Variants in PRKG1 observed in about 807,000 individuals in gnomAD.
PRKG1 encodes protein kinase cGMP-dependent 1.
In PRKG1, 35 loss-of-function variants were observed where a neutral mutation model predicts 88.1. The observed-to-expected ratio is 0.40, with a 90% CI of 0.30 to 0.53. PRKG1 has a LOEUF of 0.53. Among genes scored for constraint, PRKG1 ranks in the 20% least tolerant of loss-of-function variants. PRKG1 has a pLI of 0.59. For synonymous variants in PRKG1, 303 were observed against 292.5 expected, an observed-to-expected ratio of 1.04 and a Z score of -0.37; for missense variants, 540 against 839.8, an observed-to-expected ratio of 0.64 and a Z score of 4.41.
At chr10:52,170,227 C>A in intron 9 of PRKG1, among the ~76,000 whole-genome samples, 1 of 152,132 alleles carries the variant, frequency 6.6e-6, no homozygotes, top group East Asian at 1.9e-4. Context: ...AAAGAAGGCC[C>A]AAATTTGCCA....
At chr10:51,891,797 A>C (rs1841729069) in intron 4 of PRKG1, among the ~76,000 whole-genome samples, 1 of 152,222 alleles carries the variant, frequency 6.6e-6, no homozygotes, top group Admixed American at 6.5e-5. Flanking sequence ...TTTCAATAAA[A>C]TTTGATTTAC....
chr10:51,956,058 A>C (rs1173254436), intron 5 of PRKG1, among the ~76,000 whole-genome samples: 2 of 152,130 alleles, frequency 1.3e-5, no homozygotes, highest in East Asian at 3.8e-4. Flanking sequence ...CTGATCTCTA[A>C]TTAGAAACAT....
At chr10:52,204,380 C>T (rs1184697764) in intron 9 of PRKG1, among the ~76,000 whole-genome samples, 2 of 152,052 alleles carry the variant, frequency 1.3e-5, no homozygotes, top group Admixed American at 1.3e-4. Flanking sequence ...GCCACTGCAC[C>T]CAACTGTTAG....
chr10:51,850,194 G>T (rs956465538), intron 4 of PRKG1, among the ~76,000 whole-genome samples: 2 of 151,982 alleles, frequency 1.3e-5, no homozygotes, highest in Non-Finnish European at 2.9e-5. Flanking sequence ...ATATTTTTTT[G>T]AGATGAAGTT....
At chr10:51,148,972 C>T (rs1284664679) in intron 1 of PRKG1, among the ~76,000 whole-genome samples, 1 of 151,984 alleles carries the variant, frequency 6.6e-6, no homozygotes, top group Non-Finnish European at 1.5e-5. Context: ...CCTATGAAAC[C>T]CATCCCCTGC....
Position 51,450,342 on chromosome 10 carries a change from TG to T in PRKG1, c.479-17380del, listed in dbSNP as rs766462246. 4.9e-4 allele frequency among the ~76,000 whole-genome samples: 74 copies of T among 152,134 alleles called. 5 individuals are homozygous for T. Among genetic ancestry groups the T allele is most frequent in the Admixed American group, 3.3e-4 (5 of 15,258 alleles). ...TCATTTTTCTAAGCAGTGTATATAA[TG>T]TTTTCATCTTTTATAATTGGATTTG... is the stretch of plus-strand genomic sequence containing the variant. On this transcript the variant is annotated intron_variant, in intron 2 of 17. Coordinates refer to ENST00000373980, the MANE Select transcript of PRKG1 (RefSeq NM_006258.4).
chr10:51,523,248 G>A (rs573122003), intron 3 of PRKG1, among the ~76,000 whole-genome samples: 1 of 152,244 alleles, frequency 6.6e-6, no homozygotes, highest in East Asian at 1.9e-4. Context: ...TGCTTGGGGA[G>A]CATCTCTACT....
intron 2 of PRKG1, among the ~76,000 whole-genome samples, chr10:51,389,906 CTT>C (rs1219141866): frequency 1.3e-5 from 2 of 152,132 alleles, no homozygotes; most frequent in African/African-American, 4.8e-5. Flanking sequence ...TGCTTTGACT[CTT>C]TCAAATTCTT....
intron 2 of PRKG1, among the ~76,000 whole-genome samples, chr10:51,160,645 C>A (rs1253342739): frequency 6.6e-6 from 1 of 152,066 alleles, no homozygotes; most frequent in South Asian, 2.1e-4. Context: ...GAAATGGTAC[C>A]TCGTGATCTT....
chr10:51,564,520 T>C (rs551324110), intron 3 of PRKG1, among the ~76,000 whole-genome samples: 1 of 151,966 alleles, frequency 6.6e-6, no homozygotes, highest in East Asian at 1.9e-4. Context: ...AGGAAGCGTG[T>C]GTAAAGGCCC....
chr10:51,678,716 A>G (rs1292381056), intron 3 of PRKG1, among the ~76,000 whole-genome samples: 1 of 152,224 alleles, frequency 6.6e-6, no homozygotes, highest in Non-Finnish European at 1.5e-5. Context: ...AGTGTGTGCC[A>G]TAGTTAAATG....
intron 3 of PRKG1, among the ~76,000 whole-genome samples, chr10:51,803,258 A>T (rs1019744148): frequency 6.6e-6 from 1 of 152,126 alleles, no homozygotes; most frequent in Non-Finnish European, 1.5e-5. Flanking sequence ...AACATTTAGA[A>T]TGGAGCCAGG....
At chr10:52,046,973 A>T (rs1845876662) in intron 5 of PRKG1, 1 of 152,096 alleles carries the variant, frequency 6.6e-6, no homozygotes, top group Admixed American at 6.6e-5. Flanking sequence ...GTTGGATGTA[A>T]ATAAATAGAG....
At chr10:51,836,786 C>T (rs1290436639) in intron 4 of PRKG1, among the ~76,000 whole-genome samples, 1 of 152,112 alleles carries the variant, frequency 6.6e-6, no homozygotes, top group Non-Finnish European at 1.5e-5. Flanking sequence ...AAACATAAGT[C>T]TTTAACTCAA....
intron 3 of PRKG1, among the ~76,000 whole-genome samples, chr10:51,667,507 G>A (rs1840450536): frequency 6.6e-6 from 1 of 152,026 alleles, no homozygotes; most frequent in South Asian, 2.1e-4. Context: ...TTAGATATAG[G>A]GAACACTCTT....
chr10:51,026,361 A>G lies in PRKG1; in HGVS notation c.266+34717A>G, dbSNP rs566237005. On this transcript the variant is annotated intron_variant, in intron 1 of 17. Transcript: ENST00000401604. ...GGAGAAATGGAACAGAGACTGCCAG[A>G]TAAATTCTTTTTCAGTCTCTCCAAA... Among the ~76,000 whole-genome samples the G allele has an allele frequency of 5.3e-5, 8 of 152,308 alleles. No homozygotes were observed. The South Asian group carries it at 1.7e-3, about 32-fold the overall frequency.
chr10:52,206,343 G>C (rs559780080), intron 9 of PRKG1, among the ~76,000 whole-genome samples: 1 of 152,180 alleles, frequency 6.6e-6, no homozygotes, highest in African/African-American at 2.4e-5. Flanking sequence ...CCTTGGATTG[G>C]GTTTTGTCTT....
At chr10:51,114,780 T>C (rs1845070032) in intron 1 of PRKG1, among the ~76,000 whole-genome samples, 1 of 152,116 alleles carries the variant, frequency 6.6e-6, no homozygotes, top group African/African-American at 2.4e-5. Flanking sequence ...TTAGATAAGG[T>C]GCATGCTAAA....
chr10:52,131,732 A>G (rs1222249993), intron 7 of PRKG1, among the ~76,000 whole-genome samples: 2 of 143,444 alleles, frequency 1.4e-5, no homozygotes, highest in Non-Finnish European at 3.0e-5. Context: ...CTGTAATCCT[A>G]GCTACTTTGA....
Sources: allele counts gnomAD v4.1 joint callset (sites outside exome capture counted in the v4.1 genomes callset), GRCh38; gene constraint gnomAD v4.1.1; transcripts MANE v1.5; gene names NCBI Gene and HGNC (gene_info 2026-07-23, HGNC 2026-07-21).